OTUD7A: variants seen among roughly 807,000 people sequenced by gnomAD.
OTUD7A encodes the protein OTU deubiquitinase 7A, also known as OTU domain-containing protein 7A.
Under a neutral mutation model 65.7 loss-of-function variants are expected in OTUD7A, and 12 were observed. The observed-to-expected ratio is 0.18, with a 90% CI of 0.12 to 0.30. OTUD7A has a LOEUF of 0.30. OTUD7A is among the 10% of genes least tolerant of loss of function. The pLI, the probability that OTUD7A is intolerant of heterozygous loss-of-function variation, is 1.00. For missense variants in OTUD7A, 1,148 were observed against 1,304.8 expected (o/e 0.88, Z 1.85); for synonymous variants, 641 against 586.3 (o/e 1.09, Z -1.35).
intron 1 of OTUD7A, among the ~76,000 whole-genome samples, chr15:31,823,023 G>A (rs1896722847): frequency 6.6e-6 from 1 of 152,208 alleles, no homozygotes; most frequent in African/African-American, 2.4e-5. Flanking sequence ...GCATTTCAAG[G>A]GGTTGGAGAA....
chr15:31,798,207 G>T lies in OTUD7A; in HGVS notation c.-100+72300C>A, dbSNP rs115486694. ...TAGGACATCAACACAGGCATTTTGT[G>T]GGGGGGTGGGGGTCCCAATTTAGTC... On this transcript the variant is annotated intron_variant, in intron 1 of 12. Coordinates refer to ENST00000307050, the MANE Select transcript of OTUD7A (RefSeq NM_001382637.1). Among the ~76,000 whole-genome samples the T allele has an allele frequency of 3.4e-3, 512 of 150,408 alleles. 3 individuals are homozygous for T. Among genetic ancestry groups the T allele is most frequent in the African/African-American group, 0.012 (491 of 39,948 alleles).
chr15:31,507,709 CT>C (rs1199669823), intron 8 of OTUD7A, among the ~76,000 whole-genome samples: 3 of 151,974 alleles, frequency 2.0e-5, no homozygotes, highest in Non-Finnish European at 4.4e-5. Context: ...TCAGAATGTC[CT>C]TTTTTCAATC....
At chr15:31,569,706 G>A (rs550265511) in intron 4 of OTUD7A, among the ~76,000 whole-genome samples, 1 of 152,344 alleles carries the variant, frequency 6.6e-6, no homozygotes, top group South Asian at 2.1e-4. Flanking sequence ...GGAAATATGT[G>A]AAAGAACTAG....
At chr15:31,539,212 T>A (rs531364885) in intron 5 of OTUD7A, among the ~76,000 whole-genome samples, 16 of 152,232 alleles carry the variant, frequency 1.1e-4, no homozygotes, top group African/African-American at 3.9e-4. Flanking sequence ...CACACCCCAA[T>A]TCCTTTCCCT....
At chr15:31,520,734 C>A (rs922727064) in intron 8 of OTUD7A, among the ~76,000 whole-genome samples, 1 of 152,102 alleles carries the variant, frequency 6.6e-6, no homozygotes, top group Non-Finnish European at 1.5e-5. Context: ...GTGGAGATTT[C>A]TCAAAGAACT....
In OTUD7A at chr15:31,570,092, T is replaced by C; in HGVS notation, c.257A>G (p.Gln86Arg). Residue 86 changes from glutamine (Q) to arginine (R), a missense_variant, in exon 4 of 13, where the codon CAG becomes CGG. This residue lies in a region of OTUD7A where 51 missense variants were observed against 46.9 expected (regional missense o/e 1.09). Transcript: ENST00000307050. ...HVFNEGRGPK[Q>R]PEREPQPGHK... The stretch of plus-strand genomic sequence containing the variant: ...CCCGGGCTGTGGCTCTCGCTCTGGC[T>C]GCTTGGGACCCCGCCCTTCATTGAA... 6.2e-7 allele frequency: 1 copy of C among 1,614,212 alleles called. No individual in the cohort carries two copies. The highest frequency in any genetic ancestry group is 8.5e-7 in the Non-Finnish European group (1 of 1,180,032).
At chr15:31,824,602 C>T (rs1033590763) in intron 1 of OTUD7A, among the ~76,000 whole-genome samples, 6 of 152,138 alleles carry the variant, frequency 3.9e-5, no homozygotes, top group Non-Finnish European at 7.3e-5. Flanking sequence ...ATAGCCTCTT[C>T]GACATAGTGA....
Position 31,628,761 on chromosome 15 carries a change from A to T in OTUD7A, c.151+26335T>A, listed in dbSNP as rs561106625. Among the ~76,000 whole-genome samples, 1,064 of 152,046 alleles carry T rather than the reference A, an allele frequency of 7.0e-3. 9 individuals carry two copies. The highest frequency in any genetic ancestry group is 0.017 in the Middle Eastern group (5 of 292). On this transcript the variant is annotated intron_variant, in intron 3 of 12. Transcript: ENST00000307050. ...TCTTCCATTTGTTTGTATCCTCTTT[A>T]ATTTCATTGAGCAGTGGTTTGTAGT... is the stretch of plus-strand genomic sequence containing the variant.
At chr15:31,762,456 A>G (rs1476063551) in intron 1 of OTUD7A, among the ~76,000 whole-genome samples, 1 of 152,252 alleles carries the variant, frequency 6.6e-6, no homozygotes, top group Admixed American at 6.5e-5. Flanking sequence ...AAAGAACCAG[A>G]AAGACTGTGA....
In OTUD7A at chr15:31,484,837, A is replaced by G. The variant is rs1367311427; in HGVS notation, c.1372-113T>C. The G allele has an allele frequency of 3.3e-5, 49 of 1,473,146 alleles. No individual in the cohort carries two copies. The highest frequency in any genetic ancestry group is 4.3e-5 in the Non-Finnish European group (48 of 1,114,066). 91.3% of individuals were successfully genotyped at this position (1,473,146 alleles called of 1,614,324 possible). ...GCCGAGGCTAGGGCCCTGGACCTTCACTGTCCCAGTCCCCACTGTCGCTCT... is the reference window on the plus strand; with the variant it reads ...GCCGAGGCTAGGGCCCTGGACCTTCGCTGTCCCAGTCCCCACTGTCGCTCT... On this transcript the variant is annotated intron_variant, in intron 12 of 12. Transcript: ENST00000307050. This position sits in a 1 kb window ranked among gnomAD's most constrained non-coding sequence, Gnocchi z 4.5.
chr15:31,734,828 C>T (rs1287100897), intron 1 of OTUD7A, among the ~76,000 whole-genome samples: 2 of 151,630 alleles, frequency 1.3e-5, no homozygotes, highest in African/African-American at 2.4e-5. Context: ...GCAATACCAT[C>T]CTGGACATAG....
chr15:31,783,308 T>G (rs1006367460), intron 1 of OTUD7A, among the ~76,000 whole-genome samples: 37 of 152,178 alleles, frequency 2.4e-4, no homozygotes, highest in African/African-American at 8.7e-4. Flanking sequence ...GGCTTACCTT[T>G]TAATGTCATG....
chr15:31,820,801 A>G (rs529482682), intron 1 of OTUD7A, among the ~76,000 whole-genome samples: 8 of 152,320 alleles, frequency 5.3e-5, no homozygotes, highest in African/African-American at 1.9e-4. Context: ...TTATTAAGAT[A>G]TAATTCACTT....
intron 2 of OTUD7A, among the ~76,000 whole-genome samples, chr15:31,656,023 T>C (rs746681667): frequency 3.9e-5 from 6 of 152,196 alleles, no homozygotes; most frequent in Admixed American, 1.3e-4. Flanking sequence ...TAATCCACAG[T>C]TGACGGAAAT....
chr15:31,814,347 A>G (rs899018738), intron 1 of OTUD7A, among the ~76,000 whole-genome samples: 1 of 152,220 alleles, frequency 6.6e-6, no homozygotes, highest in Non-Finnish European at 1.5e-5. Flanking sequence ...GAGGCCTAGG[A>G]GTCAGCCCAG....
intron 1 of OTUD7A, among the ~76,000 whole-genome samples, chr15:31,859,818 G>A (rs2141014201): frequency 6.6e-6 from 1 of 152,322 alleles, no homozygotes; most frequent in South Asian, 2.1e-4. Context: ...TCAATAGGAA[G>A]TGGAGGACCT....
At chr15:31,699,851 C>T (rs1893173379) in intron 1 of OTUD7A, among the ~76,000 whole-genome samples, 1 of 152,014 alleles carries the variant, frequency 6.6e-6, no homozygotes, top group Non-Finnish European at 1.5e-5. Flanking sequence ...GCAATCGAAT[C>T]TGTCTGACTG....
chr15:31,526,791 T>C (rs2042021087), intron 7 of OTUD7A, among the ~76,000 whole-genome samples: 2 of 152,174 alleles, frequency 1.3e-5, no homozygotes, highest in South Asian at 4.1e-4. Context: ...GTCCTCATGT[T>C]TACCATGGTT....
In OTUD7A at chr15:31,477,742, A is replaced by G. The variant is rs1055690293; in HGVS notation, c.*5552T>C. The stretch of plus-strand genomic sequence containing the variant: ...TTGTAGGCACCAGGATACAGCAATG[A>G]GCAAGACATATAAAAGTTCCTGCCC... On this transcript the variant is annotated 3_prime_UTR_variant, in exon 13 of 13. Transcript: ENST00000307050. 2.0e-5 allele frequency: 3 copies of G among 152,230 alleles called. No individual in the cohort carries two copies. Among genetic ancestry groups the G allele is most frequent in the Admixed American group, 6.5e-5 (1 of 15,288 alleles). 9.4% of individuals were successfully genotyped at this position (152,230 alleles called of 1,614,324 possible).
Sources: gnomAD v4.1 joint callset for allele counts (sites outside exome capture counted in the v4.1 genomes callset) on GRCh38, gnomAD v4.1.1 for gene constraint, gnomAD v4.1.1 regional missense constraint, Gnocchi (gnomAD v3.1) non-coding constraint, MANE v1.5 for transcripts, NCBI Gene and HGNC (gene_info 2026-07-23, HGNC 2026-07-21) for gene names.